Variants in CALN1 observed in about 807,000 individuals in gnomAD.
The protein encoded by CALN1 is calcium-binding protein 8.
A neutral mutation model predicts 30.6 loss-of-function variants in CALN1; 17 were observed. The ratio of observed to expected loss-of-function variants is 0.56; its 90% CI spans 0.38 to 0.83. The LOEUF (loss-of-function observed/expected upper bound fraction) is 0.83. CALN1 is among the 40% of genes least tolerant of loss of function. The pLI is 0.00. For missense variants in CALN1, 291 were observed against 354.9 expected, an observed-to-expected ratio of 0.82 and a Z score of 1.45; for synonymous variants, 156 against 131.4, an observed-to-expected ratio of 1.19 and a Z score of -1.28.
chr7:72,122,306 G>A (rs1408761407), intron 3 of CALN1, among the ~76,000 whole-genome samples: 1 of 152,148 alleles, frequency 6.6e-6, no homozygotes, highest in Non-Finnish European at 1.5e-5. Flanking sequence ...TGTGGATTTA[G>A]CATAGATATG....
intron 3 of CALN1, among the ~76,000 whole-genome samples, chr7:72,177,590 C>A (rs1038786439): frequency 4.0e-5 from 6 of 151,830 alleles, no homozygotes; most frequent in Admixed American, 1.3e-4. Flanking sequence ...CATGGTGAAA[C>A]CTCATCTCTA....
intron 5 of CALN1, among the ~76,000 whole-genome samples, chr7:71,902,058 T>A (rs1793878331): frequency 6.6e-6 from 1 of 152,062 alleles, no homozygotes; most frequent in Admixed American, 6.6e-5. Flanking sequence ...TACAGGGAAC[T>A]CAAACAATTC....
At chr7:72,411,608 C>A (rs77586326) in intron 1 of CALN1, among the ~76,000 whole-genome samples, 1,782 of 152,274 alleles carry the variant, frequency 0.012, 27 homozygotes, top group African/African-American at 0.039. Flanking sequence ...ATACCACTTC[C>A]GGCTAAGTAA....
intron 4 of CALN1, among the ~76,000 whole-genome samples, chr7:72,045,412 T>G (rs912246710): frequency 5.3e-5 from 8 of 152,188 alleles, no homozygotes; most frequent in African/African-American, 1.9e-4. Flanking sequence ...TGCCTCTGTT[T>G]TGATCTTGAA....
chr7:71,790,288 CGAAG>C (rs1208175751), intron 6 of CALN1, among the ~76,000 whole-genome samples: 7 of 126,382 alleles, frequency 5.5e-5, no homozygotes, highest in Non-Finnish European at 5.0e-5. Context: ...AAGAAAGAAA[CGAAG>C]GAAGGAAGGA....
At chr7:72,274,465 G>A (rs931224050) in intron 3 of CALN1, among the ~76,000 whole-genome samples, 2 of 148,238 alleles carry the variant, frequency 1.3e-5, no homozygotes, top group African/African-American at 5.0e-5. Context: ...CAAAGATCGC[G>A]CCACTGCACT....
chr7:72,374,232 T>C (rs1029860211), intron 2 of CALN1, among the ~76,000 whole-genome samples: 8 of 152,182 alleles, frequency 5.3e-5, no homozygotes, highest in Admixed American at 2.6e-4. Flanking sequence ...TATTCTTCTA[T>C]TGAAATGTTT....
Position 71,784,568 on chromosome 7 carries a change from G to A in CALN1, c.*3207C>T. 1 of 364,194 alleles carries A rather than the reference G, an allele frequency of 2.7e-6. No individual in the cohort carries two copies. The highest frequency in any genetic ancestry group is 4.9e-6 in the Non-Finnish European group (1 of 205,110). 22.6% of individuals were successfully genotyped at this position (364,194 alleles called of 1,614,324 possible). On this transcript the variant is annotated 3_prime_UTR_variant, in exon 7 of 7. Coordinates refer to ENST00000395275, the MANE Select transcript of CALN1 (RefSeq NM_031468.4). ...GGGCGCAGCTTCTTTGGGGATCAAG[G>A]GGGTCAGGGTCCATTTCCCCTTCTC...
chr7:72,065,667 A>T (rs1468837985), intron 4 of CALN1, among the ~76,000 whole-genome samples: 1 of 152,074 alleles, frequency 6.6e-6, no homozygotes, highest in Non-Finnish European at 1.5e-5. Flanking sequence ...CCCACGCTTC[A>T]TCTGTGTGGA....
chr7:72,395,697 A>C (rs1373780318), intron 2 of CALN1, among the ~76,000 whole-genome samples: 2 of 152,202 alleles, frequency 1.3e-5, no homozygotes, highest in Non-Finnish European at 2.9e-5. Context: ...TGAAAGAGTG[A>C]TGAAAAGTTT....
intron 4 of CALN1, among the ~76,000 whole-genome samples, chr7:72,045,172 C>T (rs903372593): frequency 4.6e-5 from 7 of 152,110 alleles, no homozygotes; most frequent in South Asian, 2.1e-4. Flanking sequence ...TCCAGTGAAG[C>T]GGATGGAGAA....
chr7:72,055,131 ACAC>A (rs1233595141), intron 4 of CALN1, among the ~76,000 whole-genome samples: 1 of 152,168 alleles, frequency 6.6e-6, no homozygotes. Flanking sequence ...TTTAATCCTC[ACAC>A]CACACTAACG....
intron 5 of CALN1, among the ~76,000 whole-genome samples, chr7:71,866,194 A>C (rs1382997643): frequency 6.6e-6 from 1 of 151,818 alleles, no homozygotes; most frequent in Non-Finnish European, 1.5e-5. Flanking sequence ...TTTTTAGTAG[A>C]GATGGGGTTT....
At chr7:72,011,798 C>T (rs149326329) in intron 5 of CALN1, among the ~76,000 whole-genome samples, 284 of 152,248 alleles carry the variant, frequency 1.9e-3, no homozygotes, top group Admixed American at 3.5e-3. Flanking sequence ...GTATGCACCA[C>T]CAGACCCAGC....
At chr7:71,957,446 T>C (rs962031267) in intron 5 of CALN1, among the ~76,000 whole-genome samples, 6 of 152,050 alleles carry the variant, frequency 3.9e-5, no homozygotes, top group African/African-American at 1.4e-4. Context: ...AGATGAAATA[T>C]TTCACTCTGC....
chr7:72,205,560 ATATATATG>A lies in CALN1; in HGVS notation c.244+73118_244+73125del, dbSNP rs1397883123. On this transcript the variant is annotated intron_variant, in intron 3 of 6. Coordinates refer to ENST00000395275, the MANE Select transcript of CALN1 (RefSeq NM_031468.4). ...CTGATTGCAAAAAAAAAATATATATATATATATGTATATATATATATATATATTCAGGA... is the reference window on the plus strand; with the variant it reads ...CTGATTGCAAAAAAAAAATATATATATATATATATATATATATATTCAGGA... 2.2e-3 allele frequency among the ~76,000 whole-genome samples: 256 copies of A among 116,888 alleles called. 28 individuals carry two copies. Among genetic ancestry groups the A allele is most frequent in the East Asian group, 0.019 (46 of 2,472 alleles). The allele number at this position is 116,888 out of a possible 152,430, so 76.7% of individuals were successfully genotyped here. A position where few individuals can be genotyped will look rare whatever the true frequency, so the allele number is the denominator to read the frequency against.
At chr7:72,369,339 A>T (rs1289331866) in intron 2 of CALN1, among the ~76,000 whole-genome samples, 2 of 109,488 alleles carry the variant, frequency 1.8e-5, no homozygotes, top group South Asian at 3.0e-4. Flanking sequence ...TAATTTATAA[A>T]TATTATAAAT....
Position 71,810,381 on chromosome 7 carries a change from T to C in CALN1, c.613A>G (p.Ser205Gly). The part of the protein sequence containing the change: ...IENIIINEEE[S>G]LNETSGNCQT... Reference sequence around the variant, plus strand: ...CAGTTCCCCGAGGTCTCATTCAGGCTCTCTTCCTCATTGATAATGATGTTC... The same window carrying C: ...CAGTTCCCCGAGGTCTCATTCAGGCCCTCTTCCTCATTGATAATGATGTTC... The change falls in exon 6 of 7, where the codon AGC becomes GGC. Residue 205 changes from serine to glycine, a missense_variant. Transcript: ENST00000395275. The C allele has an allele frequency of 6.2e-7, 1 of 1,614,126 alleles. No homozygotes were observed. Among genetic ancestry groups the C allele is most frequent in the South Asian group, 1.1e-5 (1 of 91,062 alleles).
intron 3 of CALN1, among the ~76,000 whole-genome samples, chr7:72,192,630 TA>T (rs1790691063): frequency 4.4e-3 from 2 of 450 alleles, no homozygotes; most frequent in African/African-American, 9.1e-3. Flanking sequence ...TTTCTTTTAT[TA>T]TTATTATTAT....
Sources: gnomAD v4.1 joint callset for allele counts (sites outside exome capture counted in the v4.1 genomes callset) on GRCh38, gnomAD v4.1.1 for gene constraint, MANE v1.5 for transcripts, NCBI Gene and HGNC (gene_info 2026-07-23, HGNC 2026-07-21) for gene names.